Variants in PKHD1L1 observed in about 807,000 individuals in gnomAD.
PKHD1L1 encodes the protein PKHD1 like 1.
In PKHD1L1, 434 loss-of-function variants were observed where a neutral mutation model predicts 462.9. The observed-to-expected ratio is 0.94, with a 90% CI of 0.87 to 1.02. The LOEUF is 1.02. Among genes scored for constraint, PKHD1L1 ranks in the 50% least tolerant of loss-of-function variants. The pLI, the probability that PKHD1L1 is intolerant of heterozygous loss-of-function variation, is 0.00. For missense variants in PKHD1L1, 5,202 were observed against 5,096.1 expected (o/e 1.02, Z -0.63); for synonymous variants, 1,781 against 1,750.0 (o/e 1.02, Z -0.44).
chr8:109,469,722 A>G (rs1445881810), intron 50 of PKHD1L1, among the ~76,000 whole-genome samples: 1 of 152,290 alleles, frequency 6.6e-6, no homozygotes, highest in Admixed American at 6.5e-5. Flanking sequence ...CCACTGTCAC[A>G]GTGCCTTAAT....
chr8:109,489,943 C>T lies in PKHD1L1; in HGVS notation c.9881-9C>T, dbSNP rs775272054. On this transcript the variant is annotated splice_polypyrimidine_tract_variant and intron_variant, in intron 59 of 77. Coordinates refer to ENST00000378402, the MANE Select transcript of PKHD1L1 (RefSeq NM_177531.6). ...AGAAAAACAAATTTTAAATCTTTCC[C>T]TACCTTAGGAAATGCAAGAATAAGT... is the stretch of plus-strand genomic sequence containing the variant. 7 of 1,536,550 alleles carry T rather than the reference C, an allele frequency of 4.6e-6. No homozygotes were observed. The African/African-American group carries it at 8.2e-5, about 18-fold the overall frequency.
chr8:109,491,795 G>A (rs934073906), intron 61 of PKHD1L1, 78 bp from the exon 62 acceptor site: 6 of 1,272,066 alleles, frequency 4.7e-6, no homozygotes, highest in Non-Finnish European at 6.4e-6. Context: ...AAAATCAAAA[G>A]ACATTACTCC....
At chr8:109,385,179 G>T (rs1055901586) in intron 5 of PKHD1L1, among the ~76,000 whole-genome samples, 10 of 149,744 alleles carry the variant, frequency 6.7e-5, no homozygotes, top group Non-Finnish European at 1.2e-4. Context: ...TTCAATAATT[G>T]TTATGGTTTT....
At chr8:109,518,046 G>A (rs1820361827) in intron 72 of PKHD1L1, 121 bp from the exon 73 acceptor site, 1 of 697,100 alleles carries the variant, frequency 1.4e-6, no homozygotes, top group African/African-American at 1.8e-5. Context: ...GCTTTCTTAT[G>A]AAAGAATGAT....
chr8:109,513,947 G>A (rs73700614), intron 71 of PKHD1L1, among the ~76,000 whole-genome samples: 7,303 of 152,006 alleles, frequency 0.048, 428 homozygotes, highest in African/African-American at 0.13. Flanking sequence ...GCCAGATACC[G>A]TGAAAATATG....
At chr8:109,514,189 C>T (rs1280210460) in intron 71 of PKHD1L1, among the ~76,000 whole-genome samples, 1 of 152,122 alleles carries the variant, frequency 6.6e-6, no homozygotes, top group East Asian at 1.9e-4. Flanking sequence ...CAGTCTAAAA[C>T]ATTCTTCCCT....
At position 109,521,565 on chromosome 8, in the gene PKHD1L1, A is replaced by G. The variant is rs141536281; in HGVS notation, c.12032-621A>G. Among the ~76,000 whole-genome samples the G allele has an allele frequency of 2.4e-4, 37 of 152,262 alleles. No individual in the cohort carries two copies. In the East Asian group the frequency reaches 7.0e-3, roughly 29 times the overall value. On this transcript the variant is annotated intron_variant, in intron 73 of 77. Transcript: ENST00000378402. ...CTACTAGGCTTCTGAAAAAAGGAAT[A>G]TGGTGCATTAAGGTACCACTTTTTA...
intron 13 of PKHD1L1, among the ~76,000 whole-genome samples, 154 bp from the exon 14 acceptor site, chr8:109,401,343 G>C (rs998304329): frequency 6.6e-6 from 1 of 151,980 alleles, no homozygotes; most frequent in African/African-American, 2.4e-5. Flanking sequence ...TAGCATAGTA[G>C]ATAACAGATC....
chr8:109,395,596 T>C (rs1009242538), intron 10 of PKHD1L1, among the ~76,000 whole-genome samples: 9 of 152,208 alleles, frequency 5.9e-5, no homozygotes, highest in Non-Finnish European at 2.9e-5. Flanking sequence ...ACAACTTATA[T>C]ATGCAAAGCC....
At position 109,536,807 on chromosome 8, in the gene PKHD1L1, C is replaced by A. The variant is rs980552872; in HGVS notation, c.*6717C>A. Among the ~76,000 whole-genome samples, 3 of 151,976 alleles carry A rather than the reference C, an allele frequency of 2.0e-5. No homozygotes were observed. The highest frequency in any genetic ancestry group is 4.4e-5 in the Non-Finnish European group (3 of 67,998). Reference sequence around the variant, plus strand: ...TAAAAGTTACTGCTAATTGTAATAACAATTATGAGGAAAAATTTATTTAAA... The same window carrying A: ...TAAAAGTTACTGCTAATTGTAATAAAAATTATGAGGAAAAATTTATTTAAA... On this transcript the variant is annotated 3_prime_UTR_variant, in exon 78 of 78. Transcript: ENST00000378402.
At chr8:109,443,153 T>C in intron 36 of PKHD1L1, 37 bp downstream of exon 36, 1 of 1,591,130 alleles carries the variant, frequency 6.3e-7, no homozygotes, top group Non-Finnish European at 8.6e-7. Context: ...GTTACACAGG[T>C]GACCCAGGGT....
At chr8:109,420,759 A>C (rs1814422228) in intron 23 of PKHD1L1, 69 bp downstream of exon 23, 1 of 1,160,120 alleles carries the variant, frequency 8.6e-7, no homozygotes, top group Admixed American at 2.8e-5. Context: ...AATAACCAAC[A>C]TACAGATGGA....
chr8:109,433,109 C>T lies in PKHD1L1; in HGVS notation c.3233C>T (p.Ser1078Phe). 1.2e-6 allele frequency: 2 copies of T among 1,602,908 alleles called. No individual in the cohort carries two copies. The highest frequency in any genetic ancestry group is 1.1e-5 in the South Asian group (1 of 89,850). ...LVLAISPSQGSYEEGTILTIV... is the reference protein window; with the variant it reads ...LVLAISPSQGFYEEGTILTIV... ...TATTTAAATTGATCATTTTTAGGGT[C>T]CTATGAAGAAGGCACAATTCTAACC... Residue 1078 changes from serine (S) to phenylalanine (F), a missense_variant, in exon 28 of 78, where the codon TCC (serine) becomes TTC (phenylalanine). By Grantham distance (155) the Ser-to-Phe change is radical. Coordinates refer to ENST00000378402, the MANE Select transcript of PKHD1L1 (RefSeq NM_177531.6).
chr8:109,390,724 T>C (rs1308344300), intron 9 of PKHD1L1, among the ~76,000 whole-genome samples: 1 of 152,172 alleles, frequency 6.6e-6, no homozygotes, highest in Non-Finnish European at 1.5e-5. Flanking sequence ...TAAAAATCTT[T>C]ACTTGTGTTA....
intron 67 of PKHD1L1, among the ~76,000 whole-genome samples, chr8:109,503,631 AT>A (rs1819547604): frequency 6.6e-6 from 1 of 152,144 alleles, no homozygotes; most frequent in East Asian, 1.9e-4. Context: ...GATCCAATCA[AT>A]TTTCTCTTTT....
chr8:109,387,449 C>T (rs79422389), intron 6 of PKHD1L1, among the ~76,000 whole-genome samples: 3,614 of 152,176 alleles, frequency 0.024, 135 homozygotes, highest in African/African-American at 0.083. Flanking sequence ...TTGCTCTACC[C>T]GTTATTGTCT....
intron 50 of PKHD1L1, among the ~76,000 whole-genome samples, chr8:109,473,467 G>GA (rs1817828257): frequency 6.6e-6 from 1 of 150,992 alleles, no homozygotes; most frequent in Non-Finnish European, 1.5e-5. Flanking sequence ...AGTGAGCCGA[G>GA]ATCATACCAC....
chr8:109,378,441 A>G (rs1450522210), intron 2 of PKHD1L1, among the ~76,000 whole-genome samples: 1 of 152,174 alleles, frequency 6.6e-6, no homozygotes. Flanking sequence ...CACACTTGCT[A>G]TTATTTGAAT....
Position 109,461,871 on chromosome 8 carries a change from G to T in PKHD1L1, c.7346G>T (p.Gly2449Val). 1 of 1,604,642 alleles carries T rather than the reference G, an allele frequency of 6.2e-7. No individual in the cohort carries two copies. Among genetic ancestry groups the T allele is most frequent in the Non-Finnish European group, 8.5e-7 (1 of 1,175,152 alleles). The stretch of plus-strand genomic sequence containing the variant: ...GTTATGTTTCATGCTCCTGTACCTG[G>T]TGCTAACATGGTAACTGGGAGAATA... ...GCVMFHAPVP[G>V]ANMVTGRIEY... Residue 2449 changes from glycine (G) to valine (V), a missense_variant, in exon 48 of 78, where the codon GGT (glycine) becomes GTT (valine). Physicochemically the swap from Gly to Val is moderately radical, Grantham distance 109. Coordinates refer to ENST00000378402, the MANE Select transcript of PKHD1L1 (RefSeq NM_177531.6).
Sources: allele counts gnomAD v4.1 joint callset (sites outside exome capture counted in the v4.1 genomes callset), GRCh38; gene constraint gnomAD v4.1.1; transcripts MANE v1.5; gene names NCBI Gene and HGNC (gene_info 2026-07-23, HGNC 2026-07-21).